CPEB2: variants seen among roughly 807,000 people sequenced by gnomAD.
The protein encoded by CPEB2 is cytoplasmic polyadenylation element-binding protein 2.
A neutral mutation model predicts 93.6 loss-of-function variants in CPEB2; 56 were observed. That is an observed-to-expected ratio of 0.60 (90% CI 0.48 to 0.75). The LOEUF (loss-of-function observed/expected upper bound fraction) is 0.75. Ranked by LOEUF, CPEB2 falls within the 30% of genes least tolerant of loss-of-function variation. CPEB2 has a pLI of 0.00. For missense variants in CPEB2, 1,579 were observed against 1,395.1 expected, an observed-to-expected ratio of 1.13 and a Z score of -2.10; for synonymous variants, 764 against 586.3, an observed-to-expected ratio of 1.30 and a Z score of -4.38.
intron 4 of CPEB2, among the ~76,000 whole-genome samples, chr4:15,026,321 G>C (rs1725475309): frequency 6.6e-6 from 1 of 151,768 alleles, no homozygotes; most frequent in Non-Finnish European, 1.5e-5. Context: ...CCACCTCCTG[G>C]GTTCAAGCGA....
chr4:15,010,323 C>T (rs1382896898), intron 3 of CPEB2, among the ~76,000 whole-genome samples: 1 of 152,116 alleles, frequency 6.6e-6, no homozygotes, highest in African/African-American at 2.4e-5. Context: ...ATTTCTTTTC[C>T]TCCATGCTGC....
intron 4 of CPEB2, among the ~76,000 whole-genome samples, chr4:15,018,969 T>TATACATAC (rs1479960595): frequency 7.2e-6 from 1 of 139,196 alleles, no homozygotes; most frequent in Admixed American, 7.2e-5. Context: ...TATATATATA[T>TATACATAC]ACACACGCAC....
At position 15,052,507 on chromosome 4, in the gene CPEB2, C is replaced by T; in HGVS notation, c.2294C>T (p.Ala765Val). 4 of 1,598,014 alleles carry T rather than the reference C, an allele frequency of 2.5e-6. No individual in the cohort carries two copies. Among genetic ancestry groups the T allele is most frequent in the Non-Finnish European group, 3.4e-6 (4 of 1,169,784 alleles). The change falls in exon 7 of 12, where the codon GCT (alanine) becomes GTT (valine). Residue 765 changes from alanine to valine, a missense_variant. Physicochemically the swap from Ala to Val is moderately conservative, Grantham distance 64. Around this residue, in one of 2 missense-constraint regions of CPEB2, gnomAD observed 1,411 missense variants for 1,056.0 expected, o/e 1.34. Coordinates refer to ENST00000538197, the MANE Select transcript of CPEB2 (RefSeq NM_001177382.2). ...TTAAATTCACCCACCTGTTATTCAG[C>T]TCACCAAAATGGAGAGCGAATAGAA... ...GVLNSPTCYS[A>V]HQNGERIERF...
chr4:15,053,865 T>C (rs988048463), intron 7 of CPEB2, among the ~76,000 whole-genome samples: 2 of 152,174 alleles, frequency 1.3e-5, no homozygotes. Context: ...ATCCATACAA[T>C]GTTATATAAA....
At position 15,058,472 on chromosome 4, in the gene CPEB2, A is replaced by C; in HGVS notation, c.2513A>C (p.Asp838Ala). 16 of 1,613,062 alleles carry C rather than the reference A, an allele frequency of 9.9e-6. No individual in the cohort carries two copies. Among genetic ancestry groups the C allele is most frequent in the Non-Finnish European group, 1.4e-5 (16 of 1,179,242 alleles). The stretch of plus-strand genomic sequence containing the variant: ...GAGAGCTCAGTTCAGGCACTCATTG[A>C]TGCTTGTATTGAAGAAGATGGAAAA... The part of the protein sequence containing the change: ...QEESSVQALI[D>A]ACIEEDGKLY... Residue 838 changes from aspartate (D) to alanine (A), a missense_variant, in exon 9 of 12, where the codon GAT becomes GCT. Coordinates refer to ENST00000538197, the MANE Select transcript of CPEB2 (RefSeq NM_001177382.2).
chr4:15,014,552 C>G (rs1315048533), intron 3 of CPEB2, among the ~76,000 whole-genome samples: 2 of 152,000 alleles, frequency 1.3e-5, no homozygotes, highest in Non-Finnish European at 1.5e-5. Context: ...TGATGCTTGT[C>G]TCAGTTTAGT....
chr4:15,012,171 T>C (rs965207334), intron 3 of CPEB2, among the ~76,000 whole-genome samples: 1 of 152,248 alleles, frequency 6.6e-6, no homozygotes, highest in Non-Finnish European at 1.5e-5. Flanking sequence ...ATCAAACTGT[T>C]ACATGCCCAC....
chr4:15,020,008 G>A (rs1292239024), intron 4 of CPEB2, among the ~76,000 whole-genome samples: 2 of 152,036 alleles, frequency 1.3e-5, no homozygotes, highest in African/African-American at 2.4e-5. Flanking sequence ...AACTGGAACT[G>A]GAGGATCTTT....
At chr4:15,024,802 G>A (rs7696871) in intron 4 of CPEB2, among the ~76,000 whole-genome samples, 148,282 of 149,426 alleles carry the variant, frequency 0.99, 73,583 homozygotes, top group Middle Eastern at 1. Flanking sequence ...CTGGAGTGCA[G>A]TGGCGTGATC....
At position 15,003,849 on chromosome 4, in the gene CPEB2, C is replaced by G. The variant is rs1409309856; in HGVS notation, c.1176C>G (p.Pro392=). 6 of 875,412 alleles carry G rather than the reference C, an allele frequency of 6.9e-6. No homozygotes were observed. Among genetic ancestry groups the G allele is most frequent in the Non-Finnish European group, 9.0e-6 (6 of 663,660 alleles). 54.2% of individuals were successfully genotyped at this position (875,412 alleles called of 1,614,324 possible). A position where few individuals can be genotyped will look rare whatever the true frequency, so the allele number is the denominator to read the frequency against. ...PWSVQTASPP[P]QPQQPPPTQP... The stretch of plus-strand genomic sequence containing the variant: ...CGGTGCAGACCGCGTCGCCGCCACC[C>G]CAGCCCCAGCAGCCGCCGCCGACCC... Residue 392 remains proline (P), a synonymous_variant, in exon 1 of 12, where the codon CCC becomes CCG. Coordinates refer to ENST00000538197, the MANE Select transcript of CPEB2 (RefSeq NM_001177382.2).
Position 15,003,164 on chromosome 4 carries a change from A to G in CPEB2, c.491A>G (p.Gln164Arg), listed in dbSNP as rs965634399. 5.9e-6 allele frequency: 9 copies of G among 1,533,072 alleles called. No individual in the cohort carries two copies. In the African/African-American group the frequency reaches 6.9e-5, roughly 12 times the overall value. 95.0% of individuals were successfully genotyped at this position (1,533,072 alleles called of 1,614,324 possible). Reference sequence around the variant, plus strand: ...TGCTGCTGCCGCACCTCCTCCCCGCAGGACTTCAGTAAGCGGCAGCAGCAG... The same window carrying G: ...TGCTGCTGCCGCACCTCCTCCCCGCGGGACTTCAGTAAGCGGCAGCAGCAG... ...SCCCCRTSSP[Q>R]DFSKRQQQQL... The change falls in exon 1 of 12, where the codon CAG becomes CGG. Residue 164 changes from glutamine (Q) to arginine (R), a missense_variant. Physicochemically the swap from Gln to Arg is conservative, Grantham distance 43 (BLOSUM62 1). Coordinates refer to ENST00000538197, the MANE Select transcript of CPEB2 (RefSeq NM_001177382.2).
intron 6 of CPEB2, among the ~76,000 whole-genome samples, chr4:15,052,144 C>G (rs1313818343): frequency 1.3e-5 from 2 of 151,946 alleles, no homozygotes; most frequent in Non-Finnish European, 2.9e-5. Context: ...ATAACAAGTT[C>G]TTGCTCATAA....
At chr4:15,041,055 C>G (rs758193045) in intron 6 of CPEB2, among the ~76,000 whole-genome samples, 4 of 152,086 alleles carry the variant, frequency 2.6e-5, no homozygotes, top group Admixed American at 6.6e-5. Context: ...TCTCCCCTTT[C>G]CTTTTTCCTT....
chr4:15,050,482 C>T (rs754538859), intron 6 of CPEB2, among the ~76,000 whole-genome samples: 4 of 152,146 alleles, frequency 2.6e-5, no homozygotes, highest in Non-Finnish European at 2.9e-5. Context: ...TGTCCATATT[C>T]TTACTGTTTT....
rs147517184 is a variant in CPEB2, at chr4:15,024,132, G to T, written c.2125+6854G>T. ...AAAGCTTCTTTCAATACATACAAAC[G>T]CATCAAATTATCATCCAGATTGTTT... On this transcript the variant is annotated intron_variant, in intron 4 of 11. Transcript: ENST00000538197. Among the ~76,000 whole-genome samples the T allele has an allele frequency of 9.9e-3, 1,505 of 151,922 alleles. 33 individuals carry two copies. Among genetic ancestry groups the T allele is most frequent in the African/African-American group, 0.035 (1,433 of 41,436 alleles).
At chr4:15,058,621 G>T in intron 9 of CPEB2, 82 bp downstream of exon 9, 3 of 792,294 alleles carry the variant, frequency 3.8e-6, no homozygotes, top group Non-Finnish European at 4.3e-6. Context: ...ATTAATAAAA[G>T]AACAATTAAA....
In CPEB2 at chr4:15,002,842, G is replaced by C. The variant is rs1303767924; in HGVS notation, c.169G>C (p.Gly57Arg). Residue 57 changes from glycine to arginine, a missense_variant, in exon 1 of 12, where the codon GGC (glycine) becomes CGC (arginine). Physicochemically the swap from Gly to Arg is moderately radical, Grantham distance 125. Transcript: ENST00000538197. ...PLSPPPLPVT[G>R]FLEAASPFSV... ...GTCGCCACCACCGTTGCCTGTCACC[G>C]GCTTCTTAGAGGCCGCCTCCCCCTT... The C allele has an allele frequency of 1.6e-5, 24 of 1,535,096 alleles. No individual in the cohort carries two copies. In the South Asian group the frequency reaches 2.0e-4, roughly 13 times the overall value.
intron 6 of CPEB2, among the ~76,000 whole-genome samples, chr4:15,043,923 TAATA>T (rs1376349776): frequency 6.6e-6 from 1 of 152,120 alleles, no homozygotes; most frequent in African/African-American, 2.4e-5. Flanking sequence ...TTACGTGCTA[TAATA>T]AATAAGGAAT....
At chr4:15,032,307 T>G (rs535114416) in intron 4 of CPEB2, among the ~76,000 whole-genome samples, 1 of 152,280 alleles carries the variant, frequency 6.6e-6, no homozygotes, top group African/African-American at 2.4e-5. Context: ...TATTAGAGAT[T>G]TAGGAATTTG....
Sources: allele counts gnomAD v4.1 joint callset (sites outside exome capture counted in the v4.1 genomes callset), GRCh38; gene constraint gnomAD v4.1.1; regional missense constraint gnomAD v4.1.1; transcripts MANE v1.5; gene names NCBI Gene and HGNC (gene_info 2026-07-23, HGNC 2026-07-21).